SULF1: variants seen among roughly 807,000 people sequenced by gnomAD.
SULF1 encodes sulfatase 1, also known as extracellular sulfatase Sulf-1.
Under a neutral mutation model 110.5 loss-of-function variants are expected in SULF1, and 46 were observed. The observed-to-expected ratio is 0.42, with a 90% CI of 0.33 to 0.53. SULF1 has a LOEUF of 0.53. SULF1 is among the 20% of genes least tolerant of loss of function. The probability of loss-of-function intolerance (pLI) is 0.12; values close to 1 mark genes in which losing one functional copy is unlikely to be tolerated. For synonymous variants in SULF1, 371 were observed against 387.1 expected, an observed-to-expected ratio of 0.96 and a Z score of 0.49; for missense variants, 941 against 1,094.2, an observed-to-expected ratio of 0.86 and a Z score of 1.98.
chr8:69,652,378 T>C (rs1163944404), intron 22 of SULF1, among the ~76,000 whole-genome samples: 8 of 152,208 alleles, frequency 5.3e-5, no homozygotes, highest in Admixed American at 1.3e-4. Context: ...ATCAATGTTA[T>C]CCTTGCTTCG....
chr8:69,564,899 C>T (rs1276786799), intron 5 of SULF1, among the ~76,000 whole-genome samples: 4 of 152,232 alleles, frequency 2.6e-5, no homozygotes, highest in Non-Finnish European at 5.9e-5. Flanking sequence ...GTCACTACCA[C>T]TCCTCATTTC....
At chr8:69,629,421 G>A (rs1810348838) in intron 18 of SULF1, 83 bp from the exon 19 acceptor site, 6 of 1,390,706 alleles carry the variant, frequency 4.3e-6, no homozygotes, top group South Asian at 4.2e-5. Flanking sequence ...CTAAATATTT[G>A]TGCAAGACTC....
intron 19 of SULF1, among the ~76,000 whole-genome samples, chr8:69,631,393 A>T (rs16936194): frequency 0.046 from 7,049 of 152,214 alleles, 218 homozygotes; most frequent in Admixed American, 0.074. Flanking sequence ...GGTCCTCACC[A>T]GTCCATCCTG....
At chr8:69,650,499 C>G (rs1812251137) in intron 22 of SULF1, among the ~76,000 whole-genome samples, 1 of 152,134 alleles carries the variant, frequency 6.6e-6, no homozygotes, top group Admixed American at 6.5e-5. Flanking sequence ...AAAACATTAG[C>G]TGGGCTTAGT....
intron 22 of SULF1, among the ~76,000 whole-genome samples, chr8:69,652,058 A>C (rs1812379876): frequency 6.6e-6 from 1 of 152,134 alleles, no homozygotes; most frequent in Admixed American, 6.5e-5. Context: ...GCCATCTTCA[A>C]ATACAAAAAT....
chr8:69,573,224 T>G (rs544693504), intron 5 of SULF1, among the ~76,000 whole-genome samples: 3 of 144,772 alleles, frequency 2.1e-5, no homozygotes, highest in African/African-American at 5.1e-5. Flanking sequence ...ACGTGTGGAC[T>G]GGTGGGAGCC....
chr8:69,599,233 G>A (rs138715634), intron 8 of SULF1, among the ~76,000 whole-genome samples: 16 of 152,252 alleles, frequency 1.1e-4, no homozygotes, highest in Middle Eastern at 3.4e-3. Flanking sequence ...ACATTCAGCC[G>A]TCATTATCCA....
chr8:69,629,231 A>C (rs1179474849), intron 18 of SULF1, among the ~76,000 whole-genome samples: 1 of 152,070 alleles, frequency 6.6e-6, no homozygotes, highest in Non-Finnish European at 1.5e-5. Context: ...ACAGGGTTTC[A>C]CCGTGTTGGC....
At chr8:69,623,907 G>T in intron 14 of SULF1, 35 bp from the exon 15 acceptor site, 1 of 1,583,542 alleles carries the variant, frequency 6.3e-7, no homozygotes, top group South Asian at 1.2e-5. Flanking sequence ...GCTACATCAG[G>T]ACATCCATAG....
chr8:69,543,908 G>T (rs1814040246), intron 3 of SULF1, among the ~76,000 whole-genome samples: 1 of 152,158 alleles, frequency 6.6e-6, no homozygotes, highest in South Asian at 2.1e-4. Context: ...GAGCCCCTTG[G>T]ACTGTGAGTG....
At chr8:69,481,704 A>G (rs961157562) in intron 1 of SULF1, among the ~76,000 whole-genome samples, 1 of 152,180 alleles carries the variant, frequency 6.6e-6, no homozygotes, top group Non-Finnish European at 1.5e-5. Context: ...CTTATAAGTG[A>G]GAACATGCGG....
At chr8:69,627,523 G>A (rs569281232) in intron 16 of SULF1, among the ~76,000 whole-genome samples, 1 of 152,314 alleles carries the variant, frequency 6.6e-6, no homozygotes, top group East Asian at 1.9e-4. Context: ...TGACTCAATG[G>A]TCTTTTGAAA....
At chr8:69,536,159 G>A (rs1320680598) in intron 3 of SULF1, among the ~76,000 whole-genome samples, 1 of 152,066 alleles carries the variant, frequency 6.6e-6, no homozygotes, top group Non-Finnish European at 1.5e-5. Flanking sequence ...CAGGTGTTTT[G>A]CGCAGATCAT....
chr8:69,586,030 C>G (rs558415955), intron 6 of SULF1, among the ~76,000 whole-genome samples: 56 of 152,328 alleles, frequency 3.7e-4, no homozygotes, highest in African/African-American at 1.3e-3. Flanking sequence ...TCTGATTGTT[C>G]CATCAACTTA....
At chr8:69,580,905 C>T (rs1196857432) in intron 6 of SULF1, among the ~76,000 whole-genome samples, 1 of 152,060 alleles carries the variant, frequency 6.6e-6, no homozygotes, top group Non-Finnish European at 1.5e-5. Flanking sequence ...ATTTATGTTA[C>T]TTATAGCAAG....
At chr8:69,602,274 G>T (rs1257994506) in intron 10 of SULF1, among the ~76,000 whole-genome samples, 2 of 152,192 alleles carry the variant, frequency 1.3e-5, no homozygotes, top group African/African-American at 4.8e-5. Flanking sequence ...AGGAAAAAGA[G>T]CTAAAGGACT....
In SULF1 at chr8:69,621,250, A is replaced by G. The variant is rs933990349; in HGVS notation, c.1593A>G (p.Pro531=). ...AATTCTTGAGAAACCAGGGGACTCCAAGTAAGCCACGCTTTTGTGACCATC... is the reference window on the plus strand; with the variant it reads ...AATTCTTGAGAAACCAGGGGACTCCGAGTAAGCCACGCTTTTGTGACCATC... The part of the protein sequence containing the change: ...QRQFLRNQGT[P]KYKPRFVHTR... Residue 531 remains proline, a splice_region_variant and synonymous_variant, in exon 14 of 23, where the codon CCA becomes CCG. Transcript: ENST00000402687. 4 of 1,610,970 alleles carry G rather than the reference A, an allele frequency of 2.5e-6. No homozygotes were observed. The highest frequency in any genetic ancestry group is 1.3e-5 in the African/African-American group (1 of 74,946).
At chr8:69,578,261 T>C (rs1805768135) in intron 6 of SULF1, among the ~76,000 whole-genome samples, 1 of 152,204 alleles carries the variant, frequency 6.6e-6, no homozygotes, top group African/African-American at 2.4e-5. Flanking sequence ...TAGTTCCATT[T>C]CCTTATTTTT....
chr8:69,645,771 A>G (rs912712442), intron 22 of SULF1, among the ~76,000 whole-genome samples: 1 of 152,206 alleles, frequency 6.6e-6, no homozygotes, highest in African/African-American at 2.4e-5. Context: ...GAAGAGAAGG[A>G]TGAGCTGAAA....
Sources: allele counts gnomAD v4.1 joint callset (sites outside exome capture counted in the v4.1 genomes callset), GRCh38; gene constraint gnomAD v4.1.1; transcripts MANE v1.5; gene names NCBI Gene and HGNC (gene_info 2026-07-23, HGNC 2026-07-21).